The following MRPS6 variants were observed in gnomAD, a reference collection of about 807,000 sequenced individuals.
MRPS6 encodes small ribosomal subunit protein bS6m.
In MRPS6, 6 loss-of-function variants were observed where a neutral mutation model predicts 13.1. The observed-to-expected ratio is 0.46, with a 90% confidence interval of 0.25 to 0.91. MRPS6 has a LOEUF of 0.91. MRPS6 is among the 40% of genes least tolerant of loss of function. The pLI is 0.18. For synonymous variants in MRPS6, 61 were observed against 56.5 expected (o/e 1.08, Z -0.36); for missense variants, 164 against 155.6 (o/e 1.05, Z -0.29).
At chr21:34,120,833 A>G (rs565993729) in intron 1 of MRPS6, among the ~76,000 whole-genome samples, 1 of 152,194 alleles carries the variant, frequency 6.6e-6, no homozygotes, top group Non-Finnish European at 1.5e-5. Context: ...ATGGGAAAAC[A>G]TTAGTATTGT....
intron 2 of MRPS6, among the ~76,000 whole-genome samples, chr21:34,133,352 A>T (rs987006406): frequency 6.6e-6 from 1 of 152,118 alleles, no homozygotes; most frequent in African/African-American, 2.4e-5. Context: ...CACTTTCAGG[A>T]GGGCTGGATG....
intron 1 of MRPS6, among the ~76,000 whole-genome samples, chr21:34,087,275 C>A (rs912621893): frequency 7.1e-6 from 1 of 140,902 alleles, no homozygotes; most frequent in Admixed American, 7.4e-5. Flanking sequence ...TCCCTTTAGC[C>A]TCTTTAATCT....
chr21:34,098,985 A>C (rs1372969654), intron 1 of MRPS6: 1 of 989,362 alleles, frequency 1.0e-6, no homozygotes, highest in African/African-American at 1.8e-5. Context: ...TTTTGAATCA[A>C]AACTCAGTCT....
At chr21:34,098,262 G>T in intron 1 of MRPS6, 1 of 999,894 alleles carries the variant, frequency 1.0e-6, no homozygotes, top group South Asian at 4.7e-5. Context: ...CTTTATTCTT[G>T]TTATTTGGAA....
chr21:34,135,255 G>T (rs958988094), intron 2 of MRPS6, among the ~76,000 whole-genome samples: 5 of 151,598 alleles, frequency 3.3e-5, no homozygotes, highest in African/African-American at 1.2e-4. Flanking sequence ...TTTCTTTGGG[G>T]TAAATACCTA....
chr21:34,125,767 A>G (rs901901976), intron 2 of MRPS6, among the ~76,000 whole-genome samples: 20 of 152,296 alleles, frequency 1.3e-4, no homozygotes, highest in African/African-American at 4.6e-4. Flanking sequence ...TTTCCCTGAC[A>G]TTTCTTTAAC....
chr21:34,107,623 C>CT (rs1385929354), intron 1 of MRPS6, among the ~76,000 whole-genome samples: 2 of 152,144 alleles, frequency 1.3e-5, no homozygotes, highest in East Asian at 1.9e-4. Context: ...ATTTTCTAGC[C>CT]TTTTTTTGAT....
chr21:34,127,057 A>T (rs554079898), intron 2 of MRPS6, among the ~76,000 whole-genome samples: 1 of 152,286 alleles, frequency 6.6e-6, no homozygotes, highest in African/African-American at 2.4e-5. Flanking sequence ...CACTAGCCCT[A>T]CTTCTGGGTT....
At chr21:34,103,509 A>G (rs562908715) in intron 1 of MRPS6, 3 of 999,738 alleles carry the variant, frequency 3.0e-6, no homozygotes, top group Non-Finnish European at 3.6e-6. Flanking sequence ...TGATAGGTAT[A>G]TCGAGAACAG....
At chr21:34,114,588 A>G (rs1979830221) in intron 1 of MRPS6, among the ~76,000 whole-genome samples, 2 of 152,194 alleles carry the variant, frequency 1.3e-5, no homozygotes, top group South Asian at 4.1e-4. Flanking sequence ...TAAAGCTCCC[A>G]GGTGATTCAA....
chr21:34,090,888 A>G (rs1409508880), intron 1 of MRPS6, among the ~76,000 whole-genome samples: 4 of 152,186 alleles, frequency 2.6e-5, no homozygotes, highest in African/African-American at 9.7e-5. Context: ...CGTGCCACCT[A>G]CATAGATGTG....
intron 1 of MRPS6, among the ~76,000 whole-genome samples, chr21:34,109,701 A>G (rs892406707): frequency 1.3e-5 from 2 of 151,950 alleles, no homozygotes; most frequent in African/African-American, 4.8e-5. Context: ...CAGTGTTGGT[A>G]TGGTTGATTC....
chr21:34,101,442 A>G (rs908214334), intron 1 of MRPS6: 1 of 1,000,068 alleles, frequency 1.0e-6, no homozygotes, highest in African/African-American at 1.7e-5. Flanking sequence ...TGCATTAGCC[A>G]GATGCTAGGT....
chr21:34,087,402 T>C (rs1978446793), intron 1 of MRPS6, among the ~76,000 whole-genome samples: 1 of 152,214 alleles, frequency 6.6e-6, no homozygotes, highest in African/African-American at 2.4e-5. Flanking sequence ...TTAACAAACA[T>C]TTGAGCACCT....
intron 2 of MRPS6, among the ~76,000 whole-genome samples, chr21:34,137,628 T>C (rs551798248): frequency 6.6e-6 from 1 of 152,354 alleles, no homozygotes; most frequent in Non-Finnish European, 1.5e-5. Context: ...CATTTCAGTG[T>C]TGAATAGAAG....
In MRPS6 at chr21:34,125,376, G is replaced by A. The variant is rs1448149398; in HGVS notation, c.81G>A (p.Glu27=). 1 of 1,613,906 alleles carries A rather than the reference G, an allele frequency of 6.2e-7. No homozygotes were observed. Among genetic ancestry groups the A allele is most frequent in the Admixed American group, 1.7e-5 (1 of 60,002 alleles). Residue 27 remains glutamate, a synonymous_variant, in exon 2 of 3, where the codon GAG becomes GAA. Coordinates refer to ENST00000399312, the MANE Select transcript of MRPS6 (RefSeq NM_032476.4). ...ETAATLKRTI[E]ALMDRGAIVR... is the part of the protein sequence containing the mutation. ...CTGCTACTTTGAAACGTACGATAGA[G>A]GCCCTGATGGACAGAGGAGCAATAG...
chr21:34,115,128 G>C (rs904958587), intron 1 of MRPS6, among the ~76,000 whole-genome samples: 19 of 152,324 alleles, frequency 1.2e-4, no homozygotes, highest in African/African-American at 4.6e-4. Flanking sequence ...CCTCTGCCTT[G>C]TTCTTGGGTC....
At chr21:34,103,608 TAGAA>T (rs367820006) in intron 1 of MRPS6, 1 of 999,976 alleles carries the variant, frequency 1.0e-6, no homozygotes, top group Admixed American at 6.2e-5. Flanking sequence ...TACCCACACA[TAGAA>T]AGCACAAGAC....
At chr21:34,077,061 C>A (rs903414694) in intron 1 of MRPS6, among the ~76,000 whole-genome samples, 123 of 152,292 alleles carry the variant, frequency 8.1e-4, no homozygotes, top group African/African-American at 2.9e-3. Context: ...CACCCTGCCC[C>A]CCCTGCAATG....
Sources: allele counts gnomAD v4.1 joint callset (sites outside exome capture counted in the v4.1 genomes callset), GRCh38; gene constraint gnomAD v4.1.1; transcripts MANE v1.5; gene names NCBI Gene and HGNC (gene_info 2026-07-23, HGNC 2026-07-21).